SPEN: variants seen among roughly 807,000 people sequenced by gnomAD.
The protein encoded by SPEN is spen family transcriptional repressor.
Under a neutral mutation model 269.9 loss-of-function variants are expected in SPEN, and 18 were observed. That is an observed-to-expected ratio of 0.07 (90% CI 0.05 to 0.10). SPEN has a LOEUF of 0.10. Among genes scored for constraint, SPEN ranks in the 10% least tolerant of loss-of-function variants. The pLI is 1.00. For synonymous variants in SPEN, 1,726 were observed against 1,765.7 expected (o/e 0.98, Z 0.56); for missense variants, 3,822 against 4,631.2 (o/e 0.83, Z 5.07).
At chr1:15,860,706 G>A (rs2070439649) in intron 1 of SPEN, among the ~76,000 whole-genome samples, 3 of 151,430 alleles carry the variant, frequency 2.0e-5, no homozygotes, top group South Asian at 4.2e-4. Context: ...GGATTCAAGC[G>A]ATTCCCCTGC....
At chr1:15,877,570 A>C (rs2070644220) in intron 3 of SPEN, among the ~76,000 whole-genome samples, 1 of 152,056 alleles carries the variant, frequency 6.6e-6, no homozygotes, top group Non-Finnish European at 1.5e-5. Flanking sequence ...CCAGCCAAAA[A>C]GTTTTATTTG....
At position 15,932,138 on chromosome 1, in the gene SPEN, C is replaced by T. The variant is rs144604448; in HGVS notation, c.5898C>T (p.Asn1966=). 634 of 1,613,528 alleles carry T rather than the reference C, an allele frequency of 3.9e-4. 6 individuals are homozygous for T. The South Asian group carries it at 4.3e-3, about 11-fold the overall frequency. ...GGCGAGCCGATGAAGAGGAGGAGAA[C>T]GAGGCCAAGGAACCTGCAGAAACAC... ...TRRRADEEEE[N]EAKEPAETLK... The change falls in exon 11 of 15, where the codon AAC becomes AAT. Residue 1966 remains asparagine, a synonymous_variant. Transcript: ENST00000375759. The surrounding 1 kb of genome is among the most constrained non-coding windows in gnomAD (Gnocchi z 4.2).
intron 5 of SPEN, among the ~76,000 whole-genome samples, chr1:15,912,366 A>G (rs1318689379): frequency 6.6e-6 from 1 of 152,246 alleles, no homozygotes. Flanking sequence ...TAAAGGAATC[A>G]ATAGAAACAT....
chr1:15,927,389 G>A (rs2071178924), intron 10 of SPEN, among the ~76,000 whole-genome samples: 1 of 152,198 alleles, frequency 6.6e-6, no homozygotes, highest in African/African-American at 2.4e-5. Flanking sequence ...ATGAGGAAAA[G>A]CTGCCATTTT....
At chr1:15,903,673 GAA>G (rs1243003313) in intron 3 of SPEN, among the ~76,000 whole-genome samples, 1 of 151,976 alleles carries the variant, frequency 6.6e-6, no homozygotes, top group East Asian at 1.9e-4. Context: ...TGTTGTTTAT[GAA>G]AAGACTGGGG....
At chr1:15,936,349 A>G in intron 11 of SPEN, 83 bp downstream of exon 11, 1 of 1,452,240 alleles carries the variant, frequency 6.9e-7, no homozygotes, top group East Asian at 2.4e-5. Context: ...GATGTGTGAA[A>G]GAAATCAGGG....
chr1:15,855,394 T>C (rs1363092297), intron 1 of SPEN, among the ~76,000 whole-genome samples: 1 of 151,670 alleles, frequency 6.6e-6, no homozygotes, highest in Non-Finnish European at 1.5e-5. Context: ...TGACTAAAAG[T>C]GATTTTTTTT....
chr1:15,866,529 AT>A (rs2070512030), intron 1 of SPEN, among the ~76,000 whole-genome samples: 2 of 152,108 alleles, frequency 1.3e-5, no homozygotes, highest in South Asian at 4.2e-4. Flanking sequence ...AATTTTTTGT[AT>A]TTTTAGTAGA....
intron 1 of SPEN, among the ~76,000 whole-genome samples, chr1:15,849,083 G>T (rs1374571548): frequency 6.6e-6 from 1 of 152,140 alleles, no homozygotes; most frequent in Non-Finnish European, 1.5e-5. Context: ...CGTTTTCTTT[G>T]TGAAATGCCT....
chr1:15,858,361 G>A (rs1174635808), intron 1 of SPEN, among the ~76,000 whole-genome samples: 1 of 151,930 alleles, frequency 6.6e-6, no homozygotes, highest in African/African-American at 2.4e-5. Context: ...TTGTCTTTAT[G>A]GCATGATGTC....
intron 1 of SPEN, among the ~76,000 whole-genome samples, chr1:15,871,709 A>C (rs150096510): frequency 6.6e-6 from 1 of 152,336 alleles, no homozygotes; most frequent in East Asian, 1.9e-4. Flanking sequence ...GTCACTTGCA[A>C]ATGGACACAA....
At position 15,938,034 on chromosome 1, in the gene SPEN, C is replaced by T. The variant is rs775683900; in HGVS notation, c.10704+28C>T. ...AAGACTCTCAGGCCCAGGTGAGCAA[C>T]TGCCCCACCTACAGGGAGGAAGACG... On this transcript the variant is annotated intron_variant, in intron 13 of 14. Coordinates refer to ENST00000375759, the MANE Select transcript of SPEN (RefSeq NM_015001.3). 5 of 1,566,958 alleles carry T rather than the reference C, an allele frequency of 3.2e-6. No homozygotes were observed. In the South Asian group the frequency reaches 4.7e-5, roughly 15 times the overall value.
intron 3 of SPEN, among the ~76,000 whole-genome samples, chr1:15,892,107 G>C (rs971862610): frequency 1.5e-5 from 2 of 133,764 alleles, no homozygotes; most frequent in Non-Finnish European, 3.1e-5. Context: ...TGTAAGCTCC[G>C]CCTCCCCGGT....
chr1:15,901,867 T>C lies in SPEN; in HGVS notation c.882-7454T>C, dbSNP rs111625828. 5.4e-3 allele frequency among the ~76,000 whole-genome samples: 818 copies of C among 151,904 alleles called. 12 individuals carry two copies. The highest frequency in any genetic ancestry group is 0.018 in the African/African-American group (749 of 41,482). On this transcript the variant is annotated intron_variant, in intron 3 of 14. Coordinates refer to ENST00000375759, the MANE Select transcript of SPEN (RefSeq NM_015001.3). The stretch of plus-strand genomic sequence containing the variant: ...ATTGAAATTTAAACTTTAAAATTTT[T>C]ATTTTAGTGAGAATGACGTTTTATT...
At chr1:15,894,864 G>A (rs2070825291) in intron 3 of SPEN, among the ~76,000 whole-genome samples, 1 of 151,824 alleles carries the variant, frequency 6.6e-6, no homozygotes, top group Non-Finnish European at 1.5e-5. Context: ...AAGCTTATAA[G>A]TCTTCAAAAA....
At chr1:15,920,628 A>G (rs2071108999) in intron 8 of SPEN, among the ~76,000 whole-genome samples, 1 of 152,234 alleles carries the variant, frequency 6.6e-6, no homozygotes, top group Admixed American at 6.5e-5. Flanking sequence ...AGTAAAATAC[A>G]GAAGAACAAA....
In SPEN at chr1:15,930,092, A is replaced by T. The variant is rs1434506910; in HGVS notation, c.3852A>T (p.Val1284=). 1.2e-6 allele frequency: 2 copies of T among 1,614,232 alleles called. No individual in the cohort carries two copies. Among genetic ancestry groups the T allele is most frequent in the Non-Finnish European group, 1.7e-6 (2 of 1,180,040 alleles). Residue 1284 remains valine (V), a synonymous_variant, in exon 11 of 15, where the codon GTA becomes GTT. Coordinates refer to ENST00000375759, the MANE Select transcript of SPEN (RefSeq NM_015001.3). The surrounding 1 kb of genome is among the most constrained non-coding windows in gnomAD (Gnocchi z 5.3). ...DPIGSPRLLS[V]KGSPKVDEKV... The stretch of plus-strand genomic sequence containing the variant: ...TAGGCTCCCCTAGGCTACTGTCAGT[A>T]AAAGGGTCTCCTAAAGTAGATGAAA...
In SPEN at chr1:15,934,164, C is replaced by T. The variant is rs773945992; in HGVS notation, c.7924C>T (p.Pro2642Ser). The T allele has an allele frequency of 1.9e-6, 3 of 1,614,108 alleles. No individual in the cohort carries two copies. Among genetic ancestry groups the T allele is most frequent in the Non-Finnish European group, 2.5e-6 (3 of 1,180,044 alleles). The change falls in exon 11 of 15, where the codon CCA becomes TCA. Residue 2642 changes from proline (P) to serine (S), a missense_variant. Coordinates refer to ENST00000375759, the MANE Select transcript of SPEN (RefSeq NM_015001.3). The surrounding 1 kb of genome is among the most constrained non-coding windows in gnomAD (Gnocchi z 9.2). ...TTCACAGAAGATAACCTTGGCAAAA[C>T]CAGCTCCTCAAACCCTCACTGGTCT... ...ENSQKITLAKPAPQTLTGLVS... is the reference protein window; with the variant it reads ...ENSQKITLAKSAPQTLTGLVS...
At position 15,917,915 on chromosome 1, in the gene SPEN, A is replaced by G. The variant is rs1468229592; in HGVS notation, c.1396-1011A>G. On this transcript the variant is annotated intron_variant, in intron 6 of 14. Transcript: ENST00000375759. Reference sequence around the variant, plus strand: ...TCATCAAAGCACTGGAAGCCCTGGTAGTTAGTTATTGTCCTTGATAGGTAT... The same window carrying G: ...TCATCAAAGCACTGGAAGCCCTGGTGGTTAGTTATTGTCCTTGATAGGTAT... The G allele has an allele frequency of 4.6e-5, 7 of 152,426 alleles. No homozygotes were observed. The East Asian group carries it at 1.3e-3, about 29-fold the overall frequency. 9.4% of individuals were successfully genotyped at this position (152,426 alleles called of 1,614,324 possible).
Sources: gnomAD v4.1 joint callset for allele counts (sites outside exome capture counted in the v4.1 genomes callset) on GRCh38, gnomAD v4.1.1 for gene constraint, Gnocchi (gnomAD v3.1) non-coding constraint, MANE v1.5 for transcripts, NCBI Gene and HGNC (gene_info 2026-07-23, HGNC 2026-07-21) for gene names.